The following SPIRE1 variants were observed in gnomAD, a reference collection of about 807,000 sequenced individuals.
SPIRE1 encodes protein spire homolog 1.
SPIRE1 carries 40 observed loss-of-function variants against 94.1 expected under a neutral mutation model. The observed-to-expected ratio is 0.43, with a 90% CI of 0.33 to 0.55. The LOEUF (loss-of-function observed/expected upper bound fraction) is 0.55. Ranked by LOEUF, SPIRE1 falls within the 20% of genes least tolerant of loss-of-function variation. The pLI is 0.06. For synonymous variants in SPIRE1, 376 were observed against 371.7 expected, an observed-to-expected ratio of 1.01 and a Z score of -0.13; for missense variants, 838 against 975.2, an observed-to-expected ratio of 0.86 and a Z score of 1.87.
intron 1 of SPIRE1, among the ~76,000 whole-genome samples, chr18:12,657,208 C>T (rs2038567161): frequency 6.6e-6 from 1 of 150,928 alleles, no homozygotes; most frequent in African/African-American, 2.4e-5. Context: ...GCCCACCGCT[C>T]CCAAACGCGC....
At chr18:12,534,894 C>T (rs1265220171) in intron 4 of SPIRE1, among the ~76,000 whole-genome samples, 1 of 152,202 alleles carries the variant, frequency 6.6e-6, no homozygotes, top group Non-Finnish European at 1.5e-5. Context: ...ATCCCATTGG[C>T]TCTGTCTCTC....
In SPIRE1 at chr18:12,531,991, G is replaced by C. The variant is rs187834269; in HGVS notation, c.729+3485C>G. 2.0e-5 allele frequency among the ~76,000 whole-genome samples: 3 copies of C among 152,292 alleles called. No individual in the cohort carries two copies. In the East Asian group the frequency reaches 5.8e-4, roughly 29 times the overall value. ...CCTGATGCACTCGATGGATTGCTTA[G>C]ACAGTGCCTCCAGCTATACTTAACT... On this transcript the variant is annotated intron_variant, in intron 4 of 16. Transcript: ENST00000409402.
chr18:12,556,845 G>A (rs919257807), intron 2 of SPIRE1, among the ~76,000 whole-genome samples: 1 of 152,188 alleles, frequency 6.6e-6, no homozygotes, highest in African/African-American at 2.4e-5. Context: ...AGCTTCCACA[G>A]TGTGGAAGGG....
chr18:12,453,181 G>A (rs760523905), intron 13 of SPIRE1, 43 bp from the exon 14 acceptor site: 1 of 1,388,066 alleles, frequency 7.2e-7, no homozygotes, highest in South Asian at 1.2e-5. Context: ...ATTGCCAACA[G>A]CAAATTTCCT....
chr18:12,474,157 A>ATAAAG (rs2032467542), intron 10 of SPIRE1, among the ~76,000 whole-genome samples: 1 of 152,254 alleles, frequency 6.6e-6, no homozygotes, highest in South Asian at 2.1e-4. Flanking sequence ...TCAAGAGTGA[A>ATAAAG]TAAAGTGTTC....
At chr18:12,501,672 G>A (rs972388003) in intron 6 of SPIRE1, among the ~76,000 whole-genome samples, 1 of 152,190 alleles carries the variant, frequency 6.6e-6, no homozygotes, top group Non-Finnish European at 1.5e-5. Flanking sequence ...ATGAGCCATG[G>A]CGCCTGGCCC....
chr18:12,464,861 T>G lies in SPIRE1; in HGVS notation c.1495+7A>C. The G allele has an allele frequency of 6.2e-7, 1 of 1,609,898 alleles. No individual in the cohort carries two copies. The highest frequency in any genetic ancestry group is 2.2e-5 in the East Asian group (1 of 44,860). On this transcript the variant is annotated splice_region_variant and intron_variant, in intron 11 of 16. Coordinates refer to ENST00000409402, the MANE Select transcript of SPIRE1 (RefSeq NM_001128626.2). Reference sequence around the variant, plus strand: ...CGACTACAGCTCTTAGCACCACAACTACTCACTCTTCCTTGTGGACACGGC... The same window carrying G: ...CGACTACAGCTCTTAGCACCACAACGACTCACTCTTCCTTGTGGACACGGC...
intron 7 of SPIRE1, 26 bp from the exon 8 acceptor site, chr18:12,493,227 G>A (rs1384160043): frequency 1.9e-6 from 3 of 1,598,140 alleles, no homozygotes; most frequent in Non-Finnish European, 2.6e-6. Context: ...AATGGCTAAA[G>A]ACTTCAGTAA....
intron 10 of SPIRE1, among the ~76,000 whole-genome samples, chr18:12,476,594 C>A (rs1295441097): frequency 7.6e-6 from 1 of 131,094 alleles, no homozygotes; most frequent in South Asian, 2.4e-4. Context: ...TATATACACA[C>A]ACACACACAC....
intron 5 of SPIRE1, among the ~76,000 whole-genome samples, chr18:12,508,404 T>C (rs1328185844): frequency 6.6e-6 from 1 of 152,164 alleles, no homozygotes; most frequent in Non-Finnish European, 1.5e-5. Context: ...GGTGTACCAT[T>C]AGATGCCTCC....
chr18:12,519,199 T>A (rs1453954434), intron 4 of SPIRE1, among the ~76,000 whole-genome samples: 1 of 152,218 alleles, frequency 6.6e-6, no homozygotes, highest in African/African-American at 2.4e-5. Flanking sequence ...TACTACTTAA[T>A]TCGAATTTAT....
chr18:12,474,469 G>A (rs919777798), intron 10 of SPIRE1, among the ~76,000 whole-genome samples: 3 of 152,158 alleles, frequency 2.0e-5, no homozygotes, highest in African/African-American at 7.2e-5. Context: ...TCCATTTCCA[G>A]CTGATTGACA....
chr18:12,502,420 C>T (rs968322223), intron 6 of SPIRE1, among the ~76,000 whole-genome samples: 2 of 152,028 alleles, frequency 1.3e-5, no homozygotes, highest in African/African-American at 2.4e-5. Context: ...AGGAAAATCA[C>T]CTAAGATTAA....
At chr18:12,522,136 A>T (rs1198323191) in intron 4 of SPIRE1, among the ~76,000 whole-genome samples, 1 of 152,230 alleles carries the variant, frequency 6.6e-6, no homozygotes, top group Non-Finnish European at 1.5e-5. Flanking sequence ...GGCTCCTTGC[A>T]CCAAACAGCC....
upstream of SPIRE1, chr18:12,661,395 C>T: frequency 3.1e-6 from 3 of 974,412 alleles, no homozygotes; most frequent in Non-Finnish European, 3.7e-6. Context: ...CAAAGGCTAC[C>T]AGCCATTGAT....
intron 6 of SPIRE1, among the ~76,000 whole-genome samples, chr18:12,497,264 AT>A (rs2033491358): frequency 6.6e-6 from 1 of 152,162 alleles, no homozygotes; most frequent in Non-Finnish European, 1.5e-5. Context: ...TTCTACTCTA[AT>A]GTCCTCTCTT....
intron 4 of SPIRE1, among the ~76,000 whole-genome samples, chr18:12,523,561 C>T (rs1207215334): frequency 6.6e-6 from 1 of 152,242 alleles, no homozygotes; most frequent in Admixed American, 6.5e-5. Context: ...TAACCTTTAG[C>T]AGCCACCACC....
chr18:12,477,395 C>T (rs926893909), intron 10 of SPIRE1, among the ~76,000 whole-genome samples: 7 of 152,140 alleles, frequency 4.6e-5, no homozygotes, highest in Non-Finnish European at 1.0e-4. Context: ...TAAATAGCCA[C>T]ATGTGGGAGT....
At chr18:12,554,161 T>C (rs111267580) in intron 2 of SPIRE1, among the ~76,000 whole-genome samples, 23,468 of 151,920 alleles carry the variant, frequency 0.15, 2,223 homozygotes, top group African/African-American at 0.25. Context: ...TAGCTGGGCA[T>C]GATGGCACGT....
Sources: gnomAD v4.1 joint callset for allele counts (sites outside exome capture counted in the v4.1 genomes callset) on GRCh38, gnomAD v4.1.1 for gene constraint, MANE v1.5 for transcripts, NCBI Gene and HGNC (gene_info 2026-07-23, HGNC 2026-07-21) for gene names.